MTBP: variants seen among roughly 807,000 people sequenced by gnomAD.
The protein encoded by MTBP is MDM2 binding protein, also known as mdm2-binding protein.
A neutral mutation model predicts 117.0 loss-of-function variants in MTBP; 101 were observed. That is an observed-to-expected ratio of 0.86 (90% confidence interval 0.73 to 1.02). MTBP has a LOEUF of 1.02. Ranked by LOEUF, MTBP falls within the 50% of genes least tolerant of loss-of-function variation. The pLI is 0.00. For synonymous variants in MTBP, 350 were observed against 351.5 expected, an observed-to-expected ratio of 1.00 and a Z score of 0.05; for missense variants, 970 against 1,030.9, an observed-to-expected ratio of 0.94 and a Z score of 0.81.
In MTBP at chr8:120,515,782, G is replaced by T. The variant is rs1461768856; in HGVS notation, c.1980-143G>T. The T allele has an allele frequency of 9.6e-6, 7 of 728,944 alleles. No homozygotes were observed. In the African/African-American group the frequency reaches 1.1e-4, roughly 11 times the overall value. The allele number at this position is 728,944 out of a possible 1,614,324, so 45.2% of individuals were successfully genotyped here. A position where few individuals can be genotyped will look rare whatever the true frequency, so the allele number is the denominator to read the frequency against. On this transcript the variant is annotated intron_variant, in intron 17 of 21. Coordinates refer to ENST00000305949, the MANE Select transcript of MTBP (RefSeq NM_022045.5). ...GAAAACTGAACTTGGGAGGGAAATA[G>T]GCCAGCCACTCAACCTTCCAGCAAT...
chr8:120,466,302 C>G (rs1813692118), intron 10 of MTBP, among the ~76,000 whole-genome samples: 2 of 150,384 alleles, frequency 1.3e-5, no homozygotes, highest in Non-Finnish European at 3.0e-5. Flanking sequence ...ACCTCCGTCT[C>G]CCGGGTTCAA....
chr8:120,469,871 A>G (rs1298625117), intron 10 of MTBP, among the ~76,000 whole-genome samples: 5 of 152,238 alleles, frequency 3.3e-5, no homozygotes, highest in Non-Finnish European at 7.3e-5. Flanking sequence ...TTATTTTTAT[A>G]TCTGTGAATT....
intron 17 of MTBP, 73 bp downstream of exon 17, chr8:120,510,102 A>G: frequency 9.4e-7 from 1 of 1,058,848 alleles, no homozygotes; most frequent in East Asian, 2.5e-5. Context: ...AGTGACTTTA[A>G]TAAAATGATA....
chr8:120,496,246 C>T (rs957808005), intron 13 of MTBP, among the ~76,000 whole-genome samples: 1 of 152,166 alleles, frequency 6.6e-6, no homozygotes, highest in African/African-American at 2.4e-5. Context: ...TTGTTCATGA[C>T]TAGCTCAGTG....
chr8:120,508,519 A>G (rs1027270818), intron 16 of MTBP, among the ~76,000 whole-genome samples: 2 of 152,206 alleles, frequency 1.3e-5, no homozygotes, highest in African/African-American at 4.8e-5. Context: ...AATAATTTAA[A>G]TGGATGCATT....
At chr8:120,455,359 T>G (rs1459779836) in intron 5 of MTBP, 76 bp from the exon 6 acceptor site, 3 of 746,100 alleles carry the variant, frequency 4.0e-6, no homozygotes, top group Non-Finnish European at 4.1e-6. Flanking sequence ...TAAAATTCAG[T>G]TCTTCAGGGT....
intron 9 of MTBP, among the ~76,000 whole-genome samples, chr8:120,463,111 G>A (rs1813615681): frequency 6.6e-6 from 1 of 152,010 alleles, no homozygotes; most frequent in Admixed American, 6.6e-5. Flanking sequence ...GTGTAGAGAG[G>A]AGGGAGAAAT....
chr8:120,462,967 G>A (rs1050896201), intron 9 of MTBP, among the ~76,000 whole-genome samples: 5 of 151,980 alleles, frequency 3.3e-5, no homozygotes, highest in South Asian at 2.1e-4. Flanking sequence ...ATGTTTGGCC[G>A]TGTTTTTACA....
chr8:120,450,114 T>C (rs899737220), intron 2 of MTBP, among the ~76,000 whole-genome samples: 1 of 152,112 alleles, frequency 6.6e-6, no homozygotes, highest in Admixed American at 6.6e-5. Context: ...GGGAGCAGAC[T>C]GAAATGCAGG....
At chr8:120,518,583 C>T in intron 19 of MTBP, 121 bp from the exon 20 acceptor site, 1 of 578,740 alleles carries the variant, frequency 1.7e-6, no homozygotes, top group East Asian at 3.0e-5. Context: ...TCTTAATGAA[C>T]CTGTCTGTCT....
rs919211756 is a variant in MTBP, at chr8:120,482,138, G to A, written c.1166-6021G>A. ...GGTGGACCCAGGGTGTCAGTGGTTT[G>A]TTAGAGCATCCTTGGTGGTTCAAAT... On this transcript the variant is annotated intron_variant, in intron 11 of 21. Transcript: ENST00000305949. 2.6e-5 allele frequency among the ~76,000 whole-genome samples: 4 copies of A among 152,050 alleles called. No individual in the cohort carries two copies. The South Asian group carries it at 8.3e-4, about 32-fold the overall frequency.
chr8:120,449,629 A>G (rs4310246), intron 2 of MTBP, among the ~76,000 whole-genome samples: 80,447 of 151,974 alleles, frequency 0.53, 24,571 homozygotes, highest in Non-Finnish European at 0.67. Flanking sequence ...TACGGATAGT[A>G]GGGAGAACAG....
At chr8:120,496,195 C>T (rs1814453216) in intron 13 of MTBP, among the ~76,000 whole-genome samples, 1 of 152,142 alleles carries the variant, frequency 6.6e-6, no homozygotes, top group Non-Finnish European at 1.5e-5. Context: ...TGAAGACTTG[C>T]TCACTCAGAT....
chr8:120,521,454 G>A (rs1439397680), intron 20 of MTBP, among the ~76,000 whole-genome samples: 2 of 152,130 alleles, frequency 1.3e-5, no homozygotes, highest in East Asian at 3.9e-4. Flanking sequence ...TTTTGTGTAC[G>A]AGACCTGAAT....
At position 120,446,357 on chromosome 8, in the gene MTBP, T is replaced by G. The variant is rs532439826; in HGVS notation, c.119-76T>G. 1.6e-4 allele frequency: 140 copies of G among 865,528 alleles called. 1 individual carries two copies. In the African/African-American group the frequency reaches 2.1e-3, roughly 13 times the overall value. 53.6% of individuals were successfully genotyped at this position (865,528 alleles called of 1,614,324 possible). ...GTACAACCTACTGGTCTTGAGAGTC[T>G]CTGATGGTGAAATTGGACTAAGTTA... On this transcript the variant is annotated intron_variant, in intron 1 of 21. Coordinates refer to ENST00000305949, the MANE Select transcript of MTBP (RefSeq NM_022045.5).
At chr8:120,465,721 G>A (rs555782065) in intron 10 of MTBP, among the ~76,000 whole-genome samples, 8 of 147,560 alleles carry the variant, frequency 5.4e-5, no homozygotes, top group African/African-American at 1.8e-4. Flanking sequence ...GAGCAGTGGC[G>A]CGATCTCAGC....
At chr8:120,484,820 A>G (rs1260723529) in intron 11 of MTBP, among the ~76,000 whole-genome samples, 1 of 152,020 alleles carries the variant, frequency 6.6e-6, no homozygotes, top group Non-Finnish European at 1.5e-5. Flanking sequence ...TCCACCACCC[A>G]TTCCTCCTCC....
chr8:120,521,271 G>C (rs1390527297), intron 20 of MTBP, among the ~76,000 whole-genome samples: 2 of 152,074 alleles, frequency 1.3e-5, no homozygotes, highest in Non-Finnish European at 2.9e-5. Context: ...AATGAAAAAA[G>C]CTAACAGGTA....
intron 16 of MTBP, among the ~76,000 whole-genome samples, chr8:120,507,847 A>C (rs980231324): frequency 7.2e-5 from 11 of 152,166 alleles, no homozygotes; most frequent in African/African-American, 2.7e-4. Flanking sequence ...TGTTGTGGGA[A>C]TCAAGAAAGT....
Sources: allele counts gnomAD v4.1 joint callset (sites outside exome capture counted in the v4.1 genomes callset), GRCh38; gene constraint gnomAD v4.1.1; transcripts MANE v1.5; gene names NCBI Gene and HGNC (gene_info 2026-07-23, HGNC 2026-07-21).